Variants in HEXB observed in about 807,000 individuals in gnomAD.
HEXB encodes the protein hexosaminidase subunit beta.
A neutral mutation model predicts 71.2 loss-of-function variants in HEXB; 51 were observed. The observed-to-expected ratio is 0.72, with a 90% CI of 0.57 to 0.90. HEXB has a LOEUF of 0.90. HEXB is among the 40% of genes least tolerant of loss of function. The pLI, the probability that HEXB is intolerant of heterozygous loss-of-function variation, is 0.00. For missense variants in HEXB, 617 were observed against 677.0 expected (o/e 0.91, Z 0.98); for synonymous variants, 266 against 249.3 (o/e 1.07, Z -0.63).
At position 74,690,740 on chromosome 5, in the gene HEXB, A is replaced by C. The variant is rs1489761220; in HGVS notation, c.445+1267A>C. 2.0e-5 allele frequency among the ~76,000 whole-genome samples: 3 copies of C among 148,952 alleles called. No individual in the cohort carries two copies. The East Asian group carries it at 6.0e-4, about 30-fold the overall frequency. ...ATTTAGAGAAAAGAGCAACTCCATT[A>C]CCCCCAGACTGCCTCACAGTTAAGT... On this transcript the variant is annotated intron_variant, in intron 2 of 13. Coordinates refer to ENST00000261416, the MANE Select transcript of HEXB (RefSeq NM_000521.4).
intron 6 of HEXB, among the ~76,000 whole-genome samples, chr5:74,711,325 A>C (rs1454106515): frequency 6.8e-6 from 1 of 147,836 alleles, no homozygotes; most frequent in East Asian, 1.9e-4. Context: ...CTAAAACCAT[A>C]AAAACCCTAG....
At chr5:74,682,907 T>C (rs1748765591), upstream of HEXB, among the ~76,000 whole-genome samples, 1 of 152,162 alleles carries the variant, frequency 6.6e-6, no homozygotes, top group South Asian at 2.1e-4. Context: ...ATAACAGATT[T>C]ATTTAATCAG....
At chr5:74,682,390 T>A (rs974805464), upstream of HEXB, among the ~76,000 whole-genome samples, 4 of 151,580 alleles carry the variant, frequency 2.6e-5, no homozygotes, top group African/African-American at 9.7e-5. Context: ...AAAAAGAAGA[T>A]CCTCCAGCAC....
At chr5:74,670,766 G>T (rs1748520355) in intron 1 of HEXB, among the ~76,000 whole-genome samples, 1 of 152,180 alleles carries the variant, frequency 6.6e-6, no homozygotes, top group South Asian at 2.1e-4. Context: ...TTAGATGCTG[G>T]AGTCCACTGT....
At chr5:74,710,102 C>CTT (rs1749503038) in intron 6 of HEXB, among the ~76,000 whole-genome samples, 1 of 152,172 alleles carries the variant, frequency 6.6e-6, no homozygotes, top group African/African-American at 2.4e-5. Context: ...ATCAAGTGGG[C>CTT]TTCATCCCTG....
intron 1 of HEXB, among the ~76,000 whole-genome samples, chr5:74,688,286 A>G (rs1172054649): frequency 1.3e-5 from 2 of 151,430 alleles, no homozygotes; most frequent in Non-Finnish European, 2.9e-5. Context: ...TAATGCCTTT[A>G]CAGAATTTTT....
At position 74,641,843 on chromosome 5, in the gene HEXB, G is replaced by A. The variant is rs1371529527; in HGVS notation, c.-377+1285G>A. Among the ~76,000 whole-genome samples the A allele has an allele frequency of 6.6e-6, 1 of 152,150 alleles. No individual in the cohort carries two copies. The highest frequency in any genetic ancestry group is 1.5e-5 in the Non-Finnish European group (1 of 68,024). ...ATGAACGGGATAGATGACCGGTCCAGCCCCCTTGTTTTACAGGTGGGGAAC... is the reference window on the plus strand; with the variant it reads ...ATGAACGGGATAGATGACCGGTCCAACCCCCTTGTTTTACAGGTGGGGAAC... On this transcript the variant is annotated intron_variant, in intron 1 of 13. Transcript: ENST00000511181. The surrounding 1 kb of genome is among the most constrained non-coding windows in gnomAD (Gnocchi z 4.1).
intron 1 of HEXB, among the ~76,000 whole-genome samples, chr5:74,649,360 T>C (rs4704149): frequency 0.83 from 125,691 of 152,228 alleles, 52,453 homozygotes; most frequent in African/African-American, 0.96. Context: ...ATTTGTCCAA[T>C]GGGATGGTCT....
In HEXB at chr5:74,689,474, G is replaced by T. The variant is rs761197472; in HGVS notation, c.445+1G>T. On this transcript the variant is annotated splice_donor_variant, in intron 2 of 13. Coordinates refer to ENST00000261416, the MANE Select transcript of HEXB (RefSeq NM_000521.4). LOFTEE classifies it high-confidence loss of function. The stretch of plus-strand genomic sequence containing the variant: ...CCCAACATATCTTCAGATGAGTCTT[G>T]TAAGTACCTATGCAATGTGAGTGTA... 1.2e-6 allele frequency: 2 copies of T among 1,612,774 alleles called. No individual in the cohort carries two copies. Among genetic ancestry groups the T allele is most frequent in the South Asian group, 2.2e-5 (2 of 91,060 alleles).
intron 1 of HEXB, among the ~76,000 whole-genome samples, chr5:74,653,400 G>A (rs1200647317): frequency 6.6e-6 from 1 of 152,170 alleles, no homozygotes; most frequent in Non-Finnish European, 1.5e-5. Flanking sequence ...CTCTGGCCAA[G>A]ATGAAGTAGC....
intron 9 of HEXB, 97 bp downstream of exon 9, chr5:74,716,770 C>T (rs891809446): frequency 6.3e-5 from 50 of 790,784 alleles, no homozygotes; most frequent in Non-Finnish European, 9.7e-5. Context: ...CATCCTTTGC[C>T]TAAGTGTAGA....
intron 10 of HEXB, 43 bp downstream of exon 10, chr5:74,718,406 AATT>A: frequency 7.1e-7 from 1 of 1,415,810 alleles, no homozygotes; most frequent in Non-Finnish European, 1.0e-6. Context: ...TAAGAGACTT[AATT>A]ATTTTTCTTG....
In HEXB at chr5:74,641,959, G is replaced by A. The variant is rs1239961034; in HGVS notation, c.-377+1401G>A. Among the ~76,000 whole-genome samples, 1 of 152,148 alleles carries A rather than the reference G, an allele frequency of 6.6e-6. No homozygotes were observed. Among genetic ancestry groups the A allele is most frequent in the Non-Finnish European group, 1.5e-5 (1 of 68,034 alleles). ...GCTCGAGAGTGAGGGCCCCACGACA[G>A]AGTTTATTCCGTCCCCGGGTCCCCG... On this transcript the variant is annotated intron_variant, in intron 1 of 13. Transcript: ENST00000511181. The surrounding 1 kb of genome is among the most constrained non-coding windows in gnomAD (Gnocchi z 4.1).
At chr5:74,688,486 C>T (rs879808639) in intron 1 of HEXB, among the ~76,000 whole-genome samples, 1 of 152,098 alleles carries the variant, frequency 6.6e-6, no homozygotes, top group Non-Finnish European at 1.5e-5. Context: ...AGGCGCCTGC[C>T]ACCATACCCA....
Position 74,685,289 on chromosome 5 carries a change from GGC to G in HEXB, c.30_31del (p.Pro11AlafsTer103). ...GAGCTGTGCGGGCTGGGGCTGCCCC[GGC>G]CGCCCATGCTGCTGGCGCTGCTGTT... On this transcript the variant is annotated frameshift_variant, in exon 1 of 14. Coordinates refer to ENST00000261416, the MANE Select transcript of HEXB (RefSeq NM_000521.4). LOFTEE classifies it high-confidence loss of function. 6.5e-7 allele frequency: 1 copy of G among 1,550,268 alleles called. No homozygotes were observed. Among genetic ancestry groups the G allele is most frequent in the Non-Finnish European group, 8.7e-7 (1 of 1,152,838 alleles).
chr5:74,670,361 C>T (rs373709248), intron 1 of HEXB, among the ~76,000 whole-genome samples: 25 of 152,056 alleles, frequency 1.6e-4, no homozygotes, highest in African/African-American at 4.8e-4. Flanking sequence ...ACCACCCTCA[C>T]GTCCCCTCTC....
At chr5:74,715,444 T>A (rs1749646050) in intron 7 of HEXB, 66 bp from the exon 8 acceptor site, 1 of 1,086,604 alleles carries the variant, frequency 9.2e-7, no homozygotes, top group East Asian at 2.4e-5. Context: ...AGTAAAATCA[T>A]GTGGAAAACC....
At chr5:74,648,988 G>A (rs186330586) in intron 1 of HEXB, among the ~76,000 whole-genome samples, 8 of 152,140 alleles carry the variant, frequency 5.3e-5, no homozygotes, top group Non-Finnish European at 1.0e-4. Flanking sequence ...CCCTCTTCTG[G>A]CTACAATGAA....
chr5:74,651,523 G>C (rs758073979), intron 1 of HEXB, among the ~76,000 whole-genome samples: 1 of 152,072 alleles, frequency 6.6e-6, no homozygotes, highest in East Asian at 1.9e-4. Flanking sequence ...TTTGCCTTAG[G>C]CTATCTAGAA....
Sources: gnomAD v4.1 joint callset for allele counts (sites outside exome capture counted in the v4.1 genomes callset) on GRCh38, gnomAD v4.1.1 for gene constraint, Gnocchi (gnomAD v3.1) non-coding constraint, MANE v1.5 for transcripts, NCBI Gene and HGNC (gene_info 2026-07-23, HGNC 2026-07-21) for gene names.